Variants in ANKRD30BL observed in about 807,000 individuals in gnomAD.
ANKRD30BL encodes the protein ankyrin repeat domain 30B like.
Under a neutral mutation model 18.4 loss-of-function variants are expected in ANKRD30BL, and 20 were observed. That is an observed-to-expected ratio of 1.09 (90% confidence interval 0.77 to 1.58). The LOEUF is 1.58. Ranked by LOEUF, ANKRD30BL falls within the 40% of genes most tolerant of loss-of-function variation. ANKRD30BL has a pLI of 0.00. For missense variants in ANKRD30BL, 224 were observed against 268.6 expected (o/e 0.83, Z 1.16); for synonymous variants, 72 against 100.9 (o/e 0.71, Z 1.72).
intron 1 of ANKRD30BL, among the ~76,000 whole-genome samples, chr2:132,187,188 GTTTTT>G (rs1193358076): frequency 3.3e-5 from 3 of 90,620 alleles, no homozygotes; most frequent in African/African-American, 1.2e-4. Flanking sequence ...TTTTTTGTTT[GTTTTT>G]TTTTTTTTTT....
At chr2:132,178,592 A>C (rs1279942897) in intron 1 of ANKRD30BL, among the ~76,000 whole-genome samples, 2 of 150,908 alleles carry the variant, frequency 1.3e-5, no homozygotes, top group Non-Finnish European at 2.9e-5. Context: ...GCCAAGCATT[A>C]TAATTTTACT....
chr2:132,175,199 T>TATTG (rs200246506), intron 1 of ANKRD30BL, among the ~76,000 whole-genome samples: 63,568 of 150,384 alleles, frequency 0.42, 13,808 homozygotes, highest in South Asian at 0.54. Context: ...CCTCAGTTTT[T>TATTG]ATTATTATTT....
chr2:132,161,913 C>A lies in ANKRD30BL; in HGVS notation c.-208G>T, dbSNP rs1688078822. 2 of 569,298 alleles carry A rather than the reference C, an allele frequency of 3.5e-6. No individual in the cohort carries two copies. Among genetic ancestry groups the A allele is most frequent in the Non-Finnish European group, 6.3e-6 (2 of 316,710 alleles). The allele number at this position is 569,298 out of a possible 1,614,324, so 35.3% of individuals were successfully genotyped here. A position where few individuals can be genotyped will look rare whatever the true frequency, so the allele number is the denominator to read the frequency against. ...TAGGCAGCTGAGCAGAACCGTTAGG[C>A]ACCTGAGCAGAACCTTTAGGCAGCT... On this transcript the variant is annotated 5_prime_UTR_variant, in exon 1 of 6. Transcript: ENST00000409867.
intron 1 of ANKRD30BL, among the ~76,000 whole-genome samples, chr2:132,167,288 T>TTA (rs1688205177): frequency 1.2e-5 from 1 of 81,456 alleles, no homozygotes; most frequent in South Asian, 3.9e-4. Flanking sequence ...TTATTTTATT[T>TTA]TATTTTATTT....
intron 1 of ANKRD30BL, among the ~76,000 whole-genome samples, chr2:132,232,953 C>G (rs991877595): frequency 6.6e-6 from 1 of 152,092 alleles, no homozygotes; most frequent in African/African-American, 2.4e-5. Context: ...GGGTTACCCT[C>G]AAAAGGAAGC....
intron 1 of ANKRD30BL, among the ~76,000 whole-genome samples, chr2:132,221,325 G>T (rs1215788764): frequency 1.3e-5 from 2 of 148,286 alleles, no homozygotes; most frequent in African/African-American, 2.5e-5. Flanking sequence ...GAGGTGGGGG[G>T]GTCAGCCCCC....
intron 1 of ANKRD30BL, among the ~76,000 whole-genome samples, chr2:132,169,254 C>T (rs1473828656): frequency 6.6e-6 from 1 of 152,158 alleles, no homozygotes. Flanking sequence ...CTTTGGTGTG[C>T]CCCATATTTC....
rs1426085635 is a variant in ANKRD30BL at position 132,161,777 on chromosome 2, C to G, written c.-72G>C. 1 of 726,708 alleles carries G rather than the reference C, an allele frequency of 1.4e-6. No homozygotes were observed. Among genetic ancestry groups the G allele is most frequent in the Non-Finnish European group, 2.4e-6 (1 of 420,334 alleles). The allele number at this position is 726,708 out of a possible 1,614,324, so 45.0% of individuals were successfully genotyped here. ...CCTTCCCCAGTCCCCGCCGCTCGCC[C>G]TCGCCCTTCTTCAGTCCCTGCATCC... On this transcript the variant is annotated 5_prime_UTR_variant, in exon 1 of 6. Transcript: ENST00000409867.
chr2:132,169,596 A>G lies in ANKRD30BL; in HGVS notation n.442-12450T>C, dbSNP rs1228172963. 3.3e-5 allele frequency among the ~76,000 whole-genome samples: 5 copies of G among 150,644 alleles called. No individual in the cohort carries two copies. In the East Asian group the frequency reaches 7.8e-4, roughly 23 times the overall value. ...CAGGAGGCAGATGTTGCAGTGAGCC[A>G]AGATCGCACCACTGCACTCCAGCCT... is the stretch of plus-strand genomic sequence containing the variant. On this transcript the variant is annotated intron_variant and non_coding_transcript_variant, in intron 1 of 4. Coordinates refer to the ANKRD30BL transcript ENST00000470729.
intron 1 of ANKRD30BL, among the ~76,000 whole-genome samples, chr2:132,256,234 G>A (rs74821795): frequency 6.6e-6 from 1 of 151,788 alleles, no homozygotes; most frequent in Non-Finnish European, 1.5e-5. Context: ...GGATGAGCCC[G>A]GCGTCCCAGT....
chr2:132,165,709 A>C (rs1242392008), upstream of ANKRD30BL, among the ~76,000 whole-genome samples: 1 of 151,818 alleles, frequency 6.6e-6, no homozygotes, highest in East Asian at 1.9e-4. Context: ...GTGACAGAGC[A>C]AGACTCTATC....
intron 1 of ANKRD30BL, among the ~76,000 whole-genome samples, chr2:132,169,638 T>G (rs995386095): frequency 1.7e-5 from 2 of 120,372 alleles, no homozygotes; most frequent in Admixed American, 1.9e-4. Flanking sequence ...ACAGGGATAC[T>G]CTGTCTAAAA....
Position 132,148,193 on chromosome 2 carries a change from G to A in ANKRD30BL, c.715C>T (p.Pro239Ser), listed in dbSNP as rs1270421643. ...GTGTCAGGTGTTCTTTCCGCCAAGGGTGCAGCCTCATCAGGTGTTCCTTCA... is the reference window on the plus strand; with the variant it reads ...GTGTCAGGTGTTCTTTCCGCCAAGGATGCAGCCTCATCAGGTGTTCCTTCA... ...TSEGTPDEAAPLAERTPDTAE... is the reference protein window; with the variant it reads ...TSEGTPDEAASLAERTPDTAE... Residue 239 changes from proline (P) to serine (S), a missense_variant, in exon 6 of 6, where the codon CCC (proline) becomes TCC (serine). By Grantham distance (74) the Pro-to-Ser change is moderately conservative. Coordinates refer to ENST00000409867, the MANE Select transcript of ANKRD30BL (RefSeq NM_001358416.1). The A allele has an allele frequency of 6.2e-7, 1 of 1,605,626 alleles. No individual in the cohort carries two copies.
At chr2:132,221,703 C>G (rs1385970326) in intron 1 of ANKRD30BL, among the ~76,000 whole-genome samples, 2 of 118,466 alleles carry the variant, frequency 1.7e-5, no homozygotes, top group African/African-American at 8.8e-5. Flanking sequence ...GGGGGATCAG[C>G]CCCCTGCCTG....
At chr2:132,221,840 G>A (rs1353737035) in intron 1 of ANKRD30BL, among the ~76,000 whole-genome samples, 4 of 121,368 alleles carry the variant, frequency 3.3e-5, no homozygotes, top group African/African-American at 8.0e-5. Context: ...CCCCCCGCCC[G>A]GCCAGCCGCC....
chr2:132,180,187 C>G (rs1382233843), intron 1 of ANKRD30BL, among the ~76,000 whole-genome samples: 1 of 151,096 alleles, frequency 6.6e-6, no homozygotes, highest in Non-Finnish European at 1.5e-5. Context: ...TGTGCAAGCT[C>G]CATTCATGGT....
At chr2:132,200,747 C>T (rs1456698314) in intron 1 of ANKRD30BL, among the ~76,000 whole-genome samples, 1 of 152,076 alleles carries the variant, frequency 6.6e-6, no homozygotes, top group Non-Finnish European at 1.5e-5. Flanking sequence ...TCAATGCCAT[C>T]CCCATCAAGC....
At chr2:132,213,637 G>A (rs202200413) in intron 1 of ANKRD30BL, among the ~76,000 whole-genome samples, 1 of 152,202 alleles carries the variant, frequency 6.6e-6, no homozygotes, top group Non-Finnish European at 1.5e-5. Context: ...CGGTGGAAAA[G>A]GAAATACCTT....
At chr2:132,173,118 T>C (rs2104942324) in intron 1 of ANKRD30BL, among the ~76,000 whole-genome samples, 1 of 152,226 alleles carries the variant, frequency 6.6e-6, no homozygotes, top group Middle Eastern at 3.4e-3. Context: ...AAATCTAACA[T>C]AAAGAATATT....
Sources: gnomAD v4.1 joint callset for allele counts (sites outside exome capture counted in the v4.1 genomes callset) on GRCh38, gnomAD v4.1.1 for gene constraint, MANE v1.5 for transcripts, NCBI Gene and HGNC (gene_info 2026-07-23, HGNC 2026-07-21) for gene names.